Variants in TMEM200A observed in about 807,000 individuals in gnomAD.
TMEM200A encodes the protein two transmembrane C.
A neutral mutation model predicts 24.3 loss-of-function variants in TMEM200A; 12 were observed. That is an observed-to-expected ratio of 0.49 (90% CI 0.32 to 0.80). The LOEUF is 0.80. Among genes scored for constraint, TMEM200A ranks in the 30% least tolerant of loss-of-function variants. The pLI is 0.04. For synonymous variants in TMEM200A, 224 were observed against 224.4 expected, an observed-to-expected ratio of 1.00 and a Z score of 0.02; for missense variants, 545 against 614.4, an observed-to-expected ratio of 0.89 and a Z score of 1.19.
At chr6:130,382,315 CCT>C (rs1362952506) in intron 1 of TMEM200A, among the ~76,000 whole-genome samples, 2 of 152,168 alleles carry the variant, frequency 1.3e-5, no homozygotes, top group Non-Finnish European at 2.9e-5. Flanking sequence ...CTCGCACTTG[CCT>C]CTCTCCATTC....
In TMEM200A at chr6:130,441,523, T is replaced by G; in HGVS notation, c.1101T>G (p.Pro367=). Residue 367 remains proline, a synonymous_variant, in exon 3 of 3, where the codon CCT becomes CCG. Transcript: ENST00000296978. ...SQYKSSMALG[P]GAGQLLSPGA... ...ACAAGTCATCTATGGCTCTCGGACC[T>G]GGGGCTGGACAGCTCTTGTCTCCTG... The G allele has an allele frequency of 6.2e-7, 1 of 1,614,054 alleles. No individual in the cohort carries two copies. Among genetic ancestry groups the G allele is most frequent in the Non-Finnish European group, 8.5e-7 (1 of 1,179,976 alleles).
chr6:130,429,041 A>AAAC (rs1468137771), intron 2 of TMEM200A, among the ~76,000 whole-genome samples: 2 of 152,202 alleles, frequency 1.3e-5, no homozygotes, highest in Non-Finnish European at 2.9e-5. Flanking sequence ...TATGTTAAAA[A>AAAC]AACTATGGCA....
rs748777286 is a variant in TMEM200A at position 130,441,171 on chromosome 6, G to T, written c.749G>T (p.Ser250Ile). Residue 250 changes from serine to isoleucine, a missense_variant, in exon 3 of 3, where the codon AGC becomes ATC. By Grantham distance (142) the Ser-to-Ile change is moderately radical. Transcript: ENST00000296978. ...GHLMPPLLSD[S>I]SVSVFGLYPP... ...CTTATGCCCCCTTTGCTCTCTGACA[G>T]CTCTGTGTCTGTCTTTGGCCTCTAT... 6.2e-7 allele frequency: 1 copy of T among 1,614,064 alleles called. No homozygotes were observed. The highest frequency in any genetic ancestry group is 1.7e-5 in the Admixed American group (1 of 60,024).
intron 2 of TMEM200A, among the ~76,000 whole-genome samples, chr6:130,427,773 T>G (rs1041033330): frequency 2.6e-5 from 4 of 152,172 alleles, no homozygotes; most frequent in African/African-American, 9.6e-5. Flanking sequence ...ATATTTTTAC[T>G]TTTGAGATTA....
At chr6:130,409,585 T>G (rs548485834) in intron 2 of TMEM200A, among the ~76,000 whole-genome samples, 6 of 152,324 alleles carry the variant, frequency 3.9e-5, no homozygotes, top group African/African-American at 1.4e-4. Context: ...AAAGATTTGA[T>G]GGACAGGTAA....
intron 2 of TMEM200A, among the ~76,000 whole-genome samples, chr6:130,415,316 G>A (rs932694602): frequency 2.0e-5 from 3 of 152,088 alleles, no homozygotes; most frequent in Non-Finnish European, 4.4e-5. Context: ...TGGGGGATTT[G>A]GGAGAATGAG....
Position 130,408,213 on chromosome 6 carries a change from T to C in TMEM200A, c.-17+22977T>C, listed in dbSNP as rs1011875471. Among the ~76,000 whole-genome samples the C allele has an allele frequency of 4.6e-5, 7 of 152,280 alleles. No homozygotes were observed. The East Asian group carries it at 1.4e-3, about 29-fold the overall frequency. ...AGACTGTAGAGGCTTCGAAACCCAA[T>C]GAGGGTCTTGAAGGATGGATAGGAA... On this transcript the variant is annotated intron_variant, in intron 2 of 2. Coordinates refer to ENST00000296978, the MANE Select transcript of TMEM200A (RefSeq NM_001258277.2).
chr6:130,435,322 T>C (rs1270473190), intron 2 of TMEM200A, among the ~76,000 whole-genome samples: 2 of 152,162 alleles, frequency 1.3e-5, no homozygotes, highest in African/African-American at 4.8e-5. Context: ...GACAAAATCA[T>C]GATCTCTTTT....
At chr6:130,419,544 A>G (rs1779532940) in intron 2 of TMEM200A, among the ~76,000 whole-genome samples, 2 of 152,172 alleles carry the variant, frequency 1.3e-5, no homozygotes, top group Admixed American at 1.3e-4. Flanking sequence ...CTGACAGTGT[A>G]TAGGACTTCC....
At position 130,442,479 on chromosome 6, in the gene TMEM200A, C is replaced by T. The variant is rs1780221882; in HGVS notation, c.*581C>T. On this transcript the variant is annotated 3_prime_UTR_variant, in exon 3 of 3. Coordinates refer to ENST00000296978, the MANE Select transcript of TMEM200A (RefSeq NM_001258277.2). ...GATAAGTAGTTATTTTTTTCAATATCACTTCTGTTTTTAGTGATATTATAT... is the reference window on the plus strand; with the variant it reads ...GATAAGTAGTTATTTTTTTCAATATTACTTCTGTTTTTAGTGATATTATAT... 6.0e-6 allele frequency: 1 copy of T among 166,066 alleles called. No individual in the cohort carries two copies. The highest frequency in any genetic ancestry group is 2.1e-4 in the South Asian group (1 of 4,812). 10.3% of individuals were successfully genotyped at this position (166,066 alleles called of 1,614,324 possible).
At chr6:130,392,305 A>G (rs1001100934) in intron 2 of TMEM200A, among the ~76,000 whole-genome samples, 7 of 152,226 alleles carry the variant, frequency 4.6e-5, no homozygotes, top group African/African-American at 1.7e-4. Flanking sequence ...ATCTCAAAAC[A>G]AGCTTCAACC....
At chr6:130,385,600 C>T (rs918019272) in intron 2 of TMEM200A, among the ~76,000 whole-genome samples, 4 of 152,058 alleles carry the variant, frequency 2.6e-5, no homozygotes, top group African/African-American at 9.7e-5. Context: ...GAGAAAAGGC[C>T]CTTAATTAGA....
chr6:130,433,485 A>ATTAATCTTGATTGT, intron 2 of TMEM200A, among the ~76,000 whole-genome samples: 1 of 152,136 alleles, frequency 6.6e-6, no homozygotes, highest in African/African-American at 2.4e-5. Context: ...TATGTGATTG[A>ATTAATCTTGATTGT]ACTCTTAGTC....
At chr6:130,367,980 CA>C (rs1240327059) in intron 1 of TMEM200A, among the ~76,000 whole-genome samples, 1 of 152,180 alleles carries the variant, frequency 6.6e-6, no homozygotes, top group Non-Finnish European at 1.5e-5. Context: ...GCAGTTAGCA[CA>C]GAAAGGCTTC....
At chr6:130,418,639 A>C (rs1779511909) in intron 2 of TMEM200A, among the ~76,000 whole-genome samples, 1 of 152,168 alleles carries the variant, frequency 6.6e-6, no homozygotes, top group African/African-American at 2.4e-5. Flanking sequence ...CTTAGAGTAC[A>C]TTTAGTCATG....
chr6:130,377,159 G>A (rs1260873382), intron 1 of TMEM200A, among the ~76,000 whole-genome samples: 3 of 152,196 alleles, frequency 2.0e-5, no homozygotes, highest in Admixed American at 1.3e-4. Flanking sequence ...AGTACTTAGA[G>A]CAAGGGAAAG....
chr6:130,412,710 C>T (rs1244815386), intron 2 of TMEM200A, among the ~76,000 whole-genome samples: 2 of 152,184 alleles, frequency 1.3e-5, no homozygotes, highest in Non-Finnish European at 2.9e-5. Flanking sequence ...CTGCTGTCTT[C>T]ACCCCCTTCG....
intron 2 of TMEM200A, chr6:130,437,049 A>AT (rs944506472): frequency 6.6e-6 from 1 of 152,014 alleles, no homozygotes; most frequent in African/African-American, 2.4e-5. Flanking sequence ...GTTCAGATTA[A>AT]TTTTTTCTAA....
intron 2 of TMEM200A, among the ~76,000 whole-genome samples, chr6:130,429,317 T>G (rs568783778): frequency 6.6e-6 from 1 of 152,000 alleles, no homozygotes; most frequent in Non-Finnish European, 1.5e-5. Flanking sequence ...AGGTCAGGAG[T>G]TCGAGATCAG....
Sources: allele counts gnomAD v4.1 joint callset (sites outside exome capture counted in the v4.1 genomes callset), GRCh38; gene constraint gnomAD v4.1.1; transcripts MANE v1.5; gene names NCBI Gene and HGNC (gene_info 2026-07-23, HGNC 2026-07-21).